S100A8: variants seen among roughly 807,000 people sequenced by gnomAD.
S100A8 encodes the protein protein S100-A8.
In S100A8, 1 loss-of-function variant was observed where a neutral mutation model predicts 4.2. That is an observed-to-expected ratio of 0.24 (90% CI 0.08 to 1.12). The LOEUF (loss-of-function observed/expected upper bound fraction) is 1.12, where lower values mean the gene tolerates loss of function less well. Among genes scored for constraint, S100A8 ranks in the 50% most tolerant of loss-of-function variants. The pLI is 0.53. For missense variants in S100A8, 96 were observed against 111.8 expected, an observed-to-expected ratio of 0.86 and a Z score of 0.64; for synonymous variants, 41 against 44.7, an observed-to-expected ratio of 0.92 and a Z score of 0.33.
the S100A8 span, chr1:153,418,150 G>C: frequency 7.4e-6 from 12 of 1,614,040 alleles, no homozygotes; most frequent in East Asian, 2.5e-4. Flanking sequence ...TACACCGGAC[G>C]TGATGGCAAG....
chr1:153,398,881 C>T, the S100A8 span, among the ~76,000 whole-genome samples: 2 of 152,234 alleles, frequency 1.3e-5, no homozygotes, highest in Non-Finnish European at 2.9e-5. Flanking sequence ...CGTTCAAACC[C>T]ATGTCTTTGG....
upstream of S100A8, chr1:153,391,110 G>A (rs545856108): frequency 2.3e-5 from 23 of 985,680 alleles, no homozygotes; most frequent in South Asian, 5.6e-4. Context: ...ATAGCGGTTA[G>A]GCTTGGCCAG....
At chr1:153,405,777 G>T in the S100A8 span, among the ~76,000 whole-genome samples, 2 of 152,016 alleles carry the variant, frequency 1.3e-5, no homozygotes, top group Non-Finnish European at 2.9e-5. Context: ...AACTCTCTCT[G>T]TGTCTTTTTT....
the S100A8 span, among the ~76,000 whole-genome samples, chr1:153,396,440 G>A: frequency 2.6e-5 from 4 of 152,234 alleles, no homozygotes; most frequent in African/African-American, 9.6e-5. Flanking sequence ...TCACATTGAT[G>A]TCCTTTCCAC....
the S100A8 span, chr1:153,420,532 G>A: frequency 6.6e-6 from 1 of 152,340 alleles, no homozygotes; most frequent in East Asian, 1.9e-4. Context: ...GCAGCAGTGT[G>A]TAAGATGGGC....
the S100A8 span, among the ~76,000 whole-genome samples, chr1:153,404,440 C>G: frequency 6.6e-6 from 1 of 152,112 alleles, no homozygotes; most frequent in Admixed American, 6.6e-5. Flanking sequence ...TTAGCACACA[C>G]TCAGCATGAC....
the S100A8 span, among the ~76,000 whole-genome samples, chr1:153,404,522 A>C: frequency 0.018 from 2,753 of 152,306 alleles, 84 homozygotes; most frequent in African/African-American, 0.063. Context: ...CAAGGATTTC[A>C]GACGCTCGGT....
At chr1:153,391,385 C>T (rs374715484), upstream of S100A8, among the ~76,000 whole-genome samples, 8 of 152,108 alleles carry the variant, frequency 5.3e-5, no homozygotes, top group South Asian at 2.1e-4. Context: ...TCCACTATTG[C>T]GATTGCTAAT....
At chr1:153,411,941 T>C in the S100A8 span, among the ~76,000 whole-genome samples, 1 of 152,214 alleles carries the variant, frequency 6.6e-6, no homozygotes, top group African/African-American at 2.4e-5. Flanking sequence ...TGTAGAAAGC[T>C]GAAACTGGAT....
chr1:153,415,183 T>C, the S100A8 span, among the ~76,000 whole-genome samples: 2 of 150,212 alleles, frequency 1.3e-5, no homozygotes, highest in Non-Finnish European at 2.9e-5. Context: ...TGTGTGTGTG[T>C]GCGTGTGTGT....
chr1:153,419,019 C>CA, the S100A8 span: 5 of 1,009,522 alleles, frequency 5.0e-6, no homozygotes, highest in Non-Finnish European at 7.4e-6. Flanking sequence ...CCTGTGCTCT[C>CA]AGCCCCACGA....
chr1:153,391,235 G>GGGGA (rs1662090029), upstream of S100A8: 13 of 983,706 alleles, frequency 1.3e-5, no homozygotes, highest in Non-Finnish European at 1.6e-5. Flanking sequence ...AATTTTGGGT[G>GGGGA]GGGAGGTAGG....
At chr1:153,414,461 C>T in the S100A8 span, among the ~76,000 whole-genome samples, 2 of 152,172 alleles carry the variant, frequency 1.3e-5, no homozygotes, top group Non-Finnish European at 1.5e-5. Flanking sequence ...CCTTAACAGA[C>T]ATCTCATCAA....
the S100A8 span, chr1:153,418,066 G>C: frequency 0.095 from 152,530 of 1,613,074 alleles, 11,771 homozygotes; most frequent in African/African-American, 0.41. Flanking sequence ...TTTCCTGAAG[G>C]CTTTTTGAAA....
chr1:153,419,220 T>A, the S100A8 span: 1 of 1,614,096 alleles, frequency 6.2e-7, no homozygotes, highest in African/African-American at 1.3e-5. Context: ...GATTGATTTT[T>A]CTGAGTTTCT....
the S100A8 span, chr1:153,419,826 G>T: frequency 0.19 from 29,009 of 154,762 alleles, 4,494 homozygotes; most frequent in African/African-American, 0.43. Flanking sequence ...AGCGCCCTTG[G>T]GGCTATGAAT....
At chr1:153,406,158 T>C in the S100A8 span, among the ~76,000 whole-genome samples, 1 of 152,128 alleles carries the variant, frequency 6.6e-6, no homozygotes, top group African/African-American at 2.4e-5. Flanking sequence ...TTTCTCCTCT[T>C]CCAAATTCCC....
the S100A8 span, among the ~76,000 whole-genome samples, chr1:153,415,547 T>G: frequency 5.3e-5 from 8 of 152,292 alleles, no homozygotes; most frequent in African/African-American, 1.9e-4. Context: ...GTTCAGGCTT[T>G]CCACAGCAGG....
At chr1:153,393,268 GTTC>G (rs962146938), upstream of S100A8, among the ~76,000 whole-genome samples, 3 of 152,100 alleles carry the variant, frequency 2.0e-5, no homozygotes, top group Non-Finnish European at 4.4e-5. Flanking sequence ...GGCAGAATTA[GTTC>G]TTCTCTCCTC....
Sources: allele counts gnomAD v4.1 joint callset (sites outside exome capture counted in the v4.1 genomes callset), GRCh38; gene constraint gnomAD v4.1.1; transcripts MANE v1.5; gene names NCBI Gene and HGNC (gene_info 2026-07-23, HGNC 2026-07-21).